Variants in PEAK1 observed in about 807,000 individuals in gnomAD.
PEAK1 encodes the protein inactive tyrosine-protein kinase PEAK1.
PEAK1 carries 54 observed loss-of-function variants against 124.7 expected under a neutral mutation model. The ratio of observed to expected loss-of-function variants is 0.43; its 90% CI spans 0.35 to 0.54. PEAK1 has a LOEUF of 0.54. Ranked by LOEUF, PEAK1 falls within the 20% of genes least tolerant of loss-of-function variation. The probability of loss-of-function intolerance (pLI) is 0.01; values close to 1 mark genes in which losing one functional copy is unlikely to be tolerated. For missense variants in PEAK1, 2,046 were observed against 2,134.5 expected, an observed-to-expected ratio of 0.96 and a Z score of 0.82; for synonymous variants, 719 against 760.0, an observed-to-expected ratio of 0.95 and a Z score of 0.89.
At chr15:77,119,115 A>G (rs574436452) in intron 9 of PEAK1, among the ~76,000 whole-genome samples, 44 of 86,402 alleles carry the variant, frequency 5.1e-4, no homozygotes, top group Non-Finnish European at 1.1e-3. Flanking sequence ...TTTTGCTTCT[A>G]TGATGCTGGC....
intron 2 of PEAK1, chr15:77,335,959 A>T: frequency 1.0e-6 from 1 of 985,444 alleles, no homozygotes; most frequent in Non-Finnish European, 1.2e-6. Flanking sequence ...ATCTTTTACC[A>T]GGTTAGGTAT....
intron 2 of PEAK1, among the ~76,000 whole-genome samples, chr15:77,311,997 A>G (rs575431480): frequency 6.6e-6 from 1 of 152,300 alleles, no homozygotes; most frequent in African/African-American, 2.4e-5. Context: ...TAGGGATACT[A>G]GGTATGAAGA....
intron 2 of PEAK1, among the ~76,000 whole-genome samples, chr15:77,311,685 C>CAAAAAAAAAAAAAAAAA (rs11296386): frequency 5.8e-5 from 5 of 85,866 alleles, no homozygotes; most frequent in East Asian, 3.6e-4. Flanking sequence ...CCAACCCCCA[C>CAAAAAAAAAAAAAAAAA]AAAAAAAAAA....
Position 77,180,723 on chromosome 15 carries a change from C to G in PEAK1, c.1204G>C (p.Ala402Pro), listed in dbSNP as rs370269823. ...SNNQDKDSSQ[A>P]SKSSIKVPET... ...GGAACTTTTATTGAGCTTTTGGAAG[C>G]CTGTGATGAATCTTTATCCTGATTA... The change falls in exon 7 of 10, where the codon GCT (alanine) becomes CCT (proline). Residue 402 changes from alanine (A) to proline (P), a missense_variant. By Grantham distance (27) the Ala-to-Pro change is conservative. Transcript: ENST00000682557. 1.6e-5 allele frequency: 26 copies of G among 1,613,848 alleles called. No individual in the cohort carries two copies. The highest frequency in any genetic ancestry group is 2.2e-5 in the Non-Finnish European group (26 of 1,179,964).
downstream of PEAK1, chr15:77,106,773 T>C (rs992380172): frequency 6.6e-6 from 1 of 152,220 alleles, no homozygotes; most frequent in Non-Finnish European, 1.5e-5. Flanking sequence ...TTACCCTTAA[T>C]CTTGTCTCCT....
chr15:77,388,116 C>T (rs2070114089), intron 1 of PEAK1, among the ~76,000 whole-genome samples: 1 of 152,042 alleles, frequency 6.6e-6, no homozygotes, highest in South Asian at 2.1e-4. Context: ...ATCGCTTGAG[C>T]CCAAGAGGTA....
intron 1 of PEAK1, chr15:77,418,824 C>G (rs192758435): frequency 6.2e-4 from 609 of 984,922 alleles, no homozygotes; most frequent in Admixed American, 1.3e-3. Flanking sequence ...CTTCATTTAT[C>G]GGGGGAAAAA....
At chr15:77,404,228 T>G in intron 1 of PEAK1, 4 of 985,438 alleles carry the variant, frequency 4.1e-6, no homozygotes, top group Non-Finnish European at 4.8e-6. Context: ...TCAGGATCCA[T>G]GGTGTAACTT....
intron 1 of PEAK1, among the ~76,000 whole-genome samples, chr15:77,414,410 C>T (rs1215980811): frequency 6.8e-6 from 1 of 147,402 alleles, no homozygotes; most frequent in African/African-American, 2.5e-5. Flanking sequence ...TTGTAAGCGA[C>T]GGGGTTTCAC....
chr15:77,357,523 C>T (rs1277982291), intron 2 of PEAK1, among the ~76,000 whole-genome samples: 1 of 152,164 alleles, frequency 6.6e-6, no homozygotes, highest in African/African-American at 2.4e-5. Context: ...ATCTGCCCAC[C>T]TCAGCCTCCC....
intron 1 of PEAK1, among the ~76,000 whole-genome samples, chr15:77,376,950 G>A (rs1403288658): frequency 6.6e-6 from 1 of 152,208 alleles, no homozygotes; most frequent in Non-Finnish European, 1.5e-5. Context: ...ATCGTAGACT[G>A]TATTTACACA....
At chr15:77,338,521 CT>C (rs1261763205) in intron 2 of PEAK1, among the ~76,000 whole-genome samples, 3 of 151,912 alleles carry the variant, frequency 2.0e-5, no homozygotes, top group African/African-American at 7.3e-5. Flanking sequence ...TTAAGTATTT[CT>C]ACAATAGCTT....
intron 6 of PEAK1, chr15:77,239,744 A>T: frequency 1.5e-6 from 1 of 673,696 alleles, no homozygotes; most frequent in Non-Finnish European, 1.8e-6. Flanking sequence ...GAGCAAGATT[A>T]TGGGATTTAC....
In PEAK1 at chr15:77,420,074, G is replaced by GGCC. The variant is rs1426840694; in HGVS notation, c.-737_-735dup. The GGCC allele has an allele frequency of 4.7e-5, 7 of 150,150 alleles. No homozygotes were observed. Among genetic ancestry groups the GGCC allele is most frequent in the Non-Finnish European group, 7.4e-5 (5 of 67,536 alleles). The allele number at this position is 150,150 out of a possible 1,614,324, so 9.3% of individuals were successfully genotyped here. On this transcript the variant is annotated 5_prime_UTR_variant, in exon 1 of 10. Coordinates refer to ENST00000682557, the MANE Select transcript of PEAK1 (RefSeq NM_001385026.1). ...GTCCCGTCCCCTTCCTGGTGACCAC[G>GGCC]GCCGCCGCCGCCGAGCAACTGACAC... is the stretch of plus-strand genomic sequence containing the variant.
At chr15:77,375,257 C>T (rs893899223) in intron 1 of PEAK1, among the ~76,000 whole-genome samples, 40 of 152,130 alleles carry the variant, frequency 2.6e-4, no homozygotes, top group Non-Finnish European at 1.2e-4. Context: ...ATCATCCCTA[C>T]CTTACTGATG....
At chr15:77,200,713 A>G (rs1483710008) in intron 6 of PEAK1, among the ~76,000 whole-genome samples, 1 of 152,204 alleles carries the variant, frequency 6.6e-6, no homozygotes, top group Non-Finnish European at 1.5e-5. Flanking sequence ...TACTCATTTC[A>G]GAACTACTGA....
chr15:77,410,070 TGTG>T (rs1567368180), intron 1 of PEAK1, among the ~76,000 whole-genome samples: 1 of 131,108 alleles, frequency 7.6e-6, no homozygotes, highest in African/African-American at 2.8e-5. Flanking sequence ...TTGGTGTGTG[TGTG>T]TGTTTTTTTT....
intron 5 of PEAK1, chr15:77,278,457 C>T (rs1264749289): frequency 1.3e-5 from 6 of 470,320 alleles, no homozygotes; most frequent in Admixed American, 2.3e-5. Flanking sequence ...TACCACATCG[C>T]CAGCACCATG....
At chr15:77,282,844 A>G (rs1169831680) in intron 5 of PEAK1, among the ~76,000 whole-genome samples, 1 of 152,172 alleles carries the variant, frequency 6.6e-6, no homozygotes, top group Non-Finnish European at 1.5e-5. Flanking sequence ...CTCCTGAGTT[A>G]TCTCAAAACA....
Sources: allele counts gnomAD v4.1 joint callset (sites outside exome capture counted in the v4.1 genomes callset), GRCh38; gene constraint gnomAD v4.1.1; transcripts MANE v1.5; gene names NCBI Gene and HGNC (gene_info 2026-07-23, HGNC 2026-07-21).